Variants in KLHL35 observed in about 807,000 individuals in gnomAD.
KLHL35 encodes the protein kelch-like protein 35.
KLHL35 carries 50 observed loss-of-function variants against 44.0 expected under a neutral mutation model. The ratio of observed to expected loss-of-function variants is 1.14; its 90% CI spans 0.91 to 1.44. The LOEUF (loss-of-function observed/expected upper bound fraction) is 1.44. Among genes scored for constraint, KLHL35 ranks in the 40% most tolerant of loss-of-function variants. The pLI is 0.00. For synonymous variants in KLHL35, 470 were observed against 410.4 expected (o/e 1.15, Z -1.76); for missense variants, 1,049 against 887.8 (o/e 1.18, Z -2.31).
chr11:75,430,197 AGCGC>A lies in KLHL35; in HGVS notation c.429_432del (p.Arg144PhefsTer12). ...GCGGCGCGCAGGCGGCCCTCGAGAA[AGCGC>A]ACGCAGGCCTCGCGCAGGCCCGCCA... On this transcript the variant is annotated frameshift_variant, in exon 2 of 7. Transcript: ENST00000539798. LOFTEE classifies it high-confidence loss of function. 1 of 1,238,316 alleles carries A rather than the reference AGCGC, an allele frequency of 8.1e-7. No individual in the cohort carries two copies. The highest frequency in any genetic ancestry group is 2.5e-5 in the South Asian group (1 of 40,632). 76.7% of individuals were successfully genotyped at this position (1,238,316 alleles called of 1,614,324 possible). A position where few individuals can be genotyped will look rare whatever the true frequency, so the allele number is the denominator to read the frequency against.
chr11:75,424,124 A>C (rs1948472359), intron 5 of KLHL35: 6 of 452,932 alleles, frequency 1.3e-5, no homozygotes, highest in Admixed American at 3.9e-5. Flanking sequence ...AAGCCTCCTC[A>C]TCTTTCGAGG....
At chr11:75,431,077 A>G (rs1948533848) in intron 1 of KLHL35, among the ~76,000 whole-genome samples, 1 of 152,084 alleles carries the variant, frequency 6.6e-6, no homozygotes, top group Non-Finnish European at 1.5e-5. Context: ...GGAACCTGGA[A>G]ATATATCTGT....
intron 1 of KLHL35, among the ~76,000 whole-genome samples, chr11:75,430,974 G>A (rs1405878072): frequency 6.6e-6 from 1 of 152,234 alleles, no homozygotes; most frequent in East Asian, 1.9e-4. Context: ...AGGCGTTAGG[G>A]ACTCCAGTAG....
At position 75,428,545 on chromosome 11, in the gene KLHL35, G is replaced by A. The variant is rs1340712978; in HGVS notation, c.963C>T (p.Ala321=). 1 of 1,611,988 alleles carries A rather than the reference G, an allele frequency of 6.2e-7. No homozygotes were observed. The highest frequency in any genetic ancestry group is 2.2e-5 in the East Asian group (1 of 44,882). Residue 321 remains alanine, a synonymous_variant, in exon 3 of 7, where the codon GCC becomes GCT. Coordinates refer to ENST00000539798, the MANE Select transcript of KLHL35 (RefSeq NM_001039548.3). ...KGLLKLPFAD[A]YHPESQRWTP... Reference sequence around the variant, plus strand: ...TCCACCGCTGGCTCTCTGGATGGTAGGCATCGGCGAAGGGCAGCTTCAGGA... The same window carrying A: ...TCCACCGCTGGCTCTCTGGATGGTAAGCATCGGCGAAGGGCAGCTTCAGGA...
chr11:75,427,591 C>T (rs1948502102), intron 3 of KLHL35, among the ~76,000 whole-genome samples: 1 of 152,222 alleles, frequency 6.6e-6, no homozygotes, highest in Non-Finnish European at 1.5e-5. Context: ...CTGGCTTATT[C>T]TCCTGCTCCT....
At chr11:75,431,204 C>T (rs1948534758) in intron 1 of KLHL35, among the ~76,000 whole-genome samples, 1 of 152,218 alleles carries the variant, frequency 6.6e-6, no homozygotes, top group Non-Finnish European at 1.5e-5. Flanking sequence ...CCACCGCCCT[C>T]TGCTCAATCC....
chr11:75,425,420 G>T lies in KLHL35; in HGVS notation c.1347C>A (p.Ala449=). The change falls in exon 5 of 7, where the codon GCC becomes GCA. Residue 449 remains alanine (A), a synonymous_variant. Transcript: ENST00000539798. The part of the protein sequence containing the change: ...CAGKLFVIGG[A]RQGGVNTDKV... Reference sequence around the variant, plus strand: ...TGTCCGTGTTGACGCCGCCCTGCCTGGCGCCCCCAATCACGAAGAGCTTGC... The same window carrying T: ...TGTCCGTGTTGACGCCGCCCTGCCTTGCGCCCCCAATCACGAAGAGCTTGC... 1 of 1,563,772 alleles carries T rather than the reference G, an allele frequency of 6.4e-7. No homozygotes were observed. Among genetic ancestry groups the T allele is most frequent in the Non-Finnish European group, 8.6e-7 (1 of 1,161,996 alleles).
Position 75,426,638 on chromosome 11 carries a change from C to T in KLHL35, c.1067G>A (p.Gly356Glu), listed in dbSNP as rs368550131. ...CACATCATGACTGTTGATGTGGCCT[C>T]CTAGGGAGAGAGAAGCAGCTGTTGC... ...CALRNDVYVS[G>E]GHINSHDVWM... The change falls in exon 4 of 7, where the codon GGA (glycine) becomes GAA (glutamate). Residue 356 changes from glycine to glutamate, a missense_variant and splice_region_variant. Transcript: ENST00000539798. 1.1e-5 allele frequency: 18 copies of T among 1,581,032 alleles called. No homozygotes were observed. In the South Asian group the frequency reaches 1.6e-4, roughly 14 times the overall value.
rs1040816412 is a variant in KLHL35, at chr11:75,425,585, C to G, written c.1186-4G>C. 3.4e-6 allele frequency: 5 copies of G among 1,470,452 alleles called. No homozygotes were observed. Among genetic ancestry groups the G allele is most frequent in the Non-Finnish European group, 4.5e-6 (5 of 1,117,442 alleles). The allele number at this position is 1,470,452 out of a possible 1,614,324, so 91.1% of individuals were successfully genotyped here. A position where few individuals can be genotyped will look rare whatever the true frequency, so the allele number is the denominator to read the frequency against. On this transcript the variant is annotated splice_region_variant and splice_polypyrimidine_tract_variant and intron_variant, in intron 4 of 6. Transcript: ENST00000539798. Reference sequence around the variant, plus strand: ...CGAAGCCACCCACCGCGAACAGCTGCAAGTGAGGACATGGGCCGGGGAGCC... The same window carrying G: ...CGAAGCCACCCACCGCGAACAGCTGGAAGTGAGGACATGGGCCGGGGAGCC...
At position 75,428,477 on chromosome 11, in the gene KLHL35, G is replaced by A; in HGVS notation, c.1031C>T (p.Ala344Val). The part of the protein sequence containing the change: ...SLPGYTRSEF[A>V]ACALRNDVYV... ...GACGTCATTGCGGAGAGCACAGGCG[G>A]CGAATTCTGAGCGAGTGTAGCCGGG... The change falls in exon 3 of 7, where the codon GCC becomes GTC. Residue 344 changes from alanine to valine, a missense_variant. Coordinates refer to ENST00000539798, the MANE Select transcript of KLHL35 (RefSeq NM_001039548.3). 6.2e-7 allele frequency: 1 copy of A among 1,612,536 alleles called. No individual in the cohort carries two copies. The highest frequency in any genetic ancestry group is 2.2e-5 in the East Asian group (1 of 44,884).
chr11:75,430,538 A>G lies in KLHL35; in HGVS notation c.92T>C (p.Leu31Pro), dbSNP rs1419480815. The G allele has an allele frequency of 8.5e-5, 123 of 1,450,202 alleles. No homozygotes were observed. The highest frequency in any genetic ancestry group is 1.1e-4 in the Non-Finnish European group (120 of 1,105,512). The allele number at this position is 1,450,202 out of a possible 1,614,324, so 89.8% of individuals were successfully genotyped here. A position where few individuals can be genotyped will look rare whatever the true frequency, so the allele number is the denominator to read the frequency against. Residue 31 changes from leucine to proline, a missense_variant, in exon 2 of 7, where the codon CTG becomes CCG. Leu to Pro is a moderately conservative substitution (Grantham distance 98, BLOSUM62 -3). Transcript: ENST00000539798. ...GGTGCCGCTCCGCCGGTAGGCGTTC[A>G]GGGCCTGCAGCACGCGCTGCGCGTG... The part of the protein sequence containing the change: ...PCHAQRVLQA[L>P]NAYRRSGTLT...
In KLHL35 at chr11:75,422,614, C is replaced by T; in HGVS notation, c.1718G>A (p.Gly573Asp). 1 of 1,613,744 alleles carries T rather than the reference C, an allele frequency of 6.2e-7. No individual in the cohort carries two copies. The highest frequency in any genetic ancestry group is 8.5e-7 in the Non-Finnish European group (1 of 1,179,748). The part of the protein sequence containing the change: ...PSLQRCTSSH[G>D]CVTIIQSLGR ...CAAGCTCTGGATGATGGTGACACAG[C>T]CGTGGGAGCTGGTGCAGCGCTGCAG... Residue 573 changes from glycine (G) to aspartate (D), a missense_variant, in exon 7 of 7, where the codon GGC (glycine) becomes GAC (aspartate). Physicochemically the swap from Gly to Asp is moderately conservative, Grantham distance 94. Coordinates refer to ENST00000539798, the MANE Select transcript of KLHL35 (RefSeq NM_001039548.3).
Position 75,423,693 on chromosome 11 carries a change from A to G in KLHL35, c.1562T>C (p.Val521Ala), listed in dbSNP as rs553027952. ...WGEAAVLPSP[V>A]ESCGVTVCDG... ...TCCTGCCTTGAAGCCTCCACTTACC[A>G]CAGGGCTGGGGAGGACAGCTGCCTC... Residue 521 changes from valine (V) to alanine (A), a missense_variant and splice_region_variant, in exon 6 of 7, where the codon GTG (valine) becomes GCG (alanine). By Grantham distance (64) the Val-to-Ala change is moderately conservative. Coordinates refer to ENST00000539798, the MANE Select transcript of KLHL35 (RefSeq NM_001039548.3). The G allele has an allele frequency of 1.2e-6, 2 of 1,613,248 alleles. No homozygotes were observed. Among genetic ancestry groups the G allele is most frequent in the African/African-American group, 1.3e-5 (1 of 74,996 alleles).
Position 75,430,233 on chromosome 11 carries a change from G to A in KLHL35, c.397C>T (p.Leu133=). Residue 133 remains leucine (L), a synonymous_variant, in exon 2 of 7, where the codon CTG becomes TTG. Transcript: ENST00000539798. The part of the protein sequence containing the change: ...AAAVLALAER[L]GVAGLREACV... ...GCCTCGCGCAGGCCCGCCACGCCCA[G>A]CCGCTCCGCCAGCGCCAGCACGGCC... 1 of 1,218,442 alleles carries A rather than the reference G, an allele frequency of 8.2e-7. No individual in the cohort carries two copies. Among genetic ancestry groups the A allele is most frequent in the Non-Finnish European group, 1.0e-6 (1 of 976,132 alleles). The allele number at this position is 1,218,442 out of a possible 1,614,324, so 75.5% of individuals were successfully genotyped here.
chr11:75,427,298 G>A (rs1221859617), intron 3 of KLHL35, among the ~76,000 whole-genome samples: 1 of 152,172 alleles, frequency 6.6e-6, no homozygotes, highest in Admixed American at 6.5e-5. Flanking sequence ...GCCCTATGGG[G>A]CCAGGTACTG....
At position 75,430,027 on chromosome 11, in the gene KLHL35, C is replaced by A; in HGVS notation, c.603G>T (p.Ala201=). ...FLELAPDEVV[A]LLADPALGVA... ...CGCCCAGCGCGGGGTCCGCCAGCAG[C>A]GCCACCACCTCGTCAGGCGCCAGCT... Residue 201 remains alanine (A), a synonymous_variant, in exon 2 of 7, where the codon GCG becomes GCT. Coordinates refer to ENST00000539798, the MANE Select transcript of KLHL35 (RefSeq NM_001039548.3). The A allele has an allele frequency of 1.4e-6, 2 of 1,418,620 alleles. No individual in the cohort carries two copies. The highest frequency in any genetic ancestry group is 1.4e-5 in the South Asian group (1 of 70,608). 87.9% of individuals were successfully genotyped at this position (1,418,620 alleles called of 1,614,324 possible). A position where few individuals can be genotyped will look rare whatever the true frequency, so the allele number is the denominator to read the frequency against.
Position 75,429,906 on chromosome 11 carries a change from C to T in KLHL35, c.724G>A (p.Val242Met). Residue 242 changes from valine (V) to methionine (M), a missense_variant, in exon 2 of 7, where the codon GTG becomes ATG. Coordinates refer to ENST00000539798, the MANE Select transcript of KLHL35 (RefSeq NM_001039548.3). The part of the protein sequence containing the change: ...RGQLRRLLEH[V>M]RLPLLAPAYF... ...GCGGGCGCCAGTAGCGGCAGGCGCA[C>T]GTGCTCCAGCAGGCGTCGCAGCTGG... The T allele has an allele frequency of 2.7e-6, 4 of 1,501,932 alleles. No homozygotes were observed. In the East Asian group the frequency reaches 1.1e-4, roughly 43 times the overall value. The allele number at this position is 1,501,932 out of a possible 1,614,324, so 93.0% of individuals were successfully genotyped here.
rs369175326 is a variant in KLHL35 at position 75,423,709 on chromosome 11, C to T, written c.1546G>A (p.Val516Ile). The change falls in exon 6 of 7, where the codon GTC becomes ATC. Residue 516 changes from valine (V) to isoleucine (I), a missense_variant. Coordinates refer to ENST00000539798, the MANE Select transcript of KLHL35 (RefSeq NM_001039548.3). The part of the protein sequence containing the change: ...PGTDVWGEAA[V>I]LPSPVESCGV... ...CCACTTACCACAGGGCTGGGGAGGACAGCTGCCTCCCCCCACACATCTGTG... is the reference window on the plus strand; with the variant it reads ...CCACTTACCACAGGGCTGGGGAGGATAGCTGCCTCCCCCCACACATCTGTG... The T allele has an allele frequency of 2.6e-4, 420 of 1,613,646 alleles. No individual in the cohort carries two copies. The highest frequency in any genetic ancestry group is 3.2e-4 in the Non-Finnish European group (378 of 1,179,740).
In KLHL35 at chr11:75,430,061, T is replaced by C; in HGVS notation, c.569A>G (p.Asp190Gly). The change falls in exon 2 of 7, where the codon GAC becomes GGC. Residue 190 changes from aspartate to glycine, a missense_variant. Transcript: ENST00000539798. ...CTCGTCAGGCGCCAGCTCCAGGAAG[T>C]CGGCGTGGCGCGCCACCTCGGCGAA... is the stretch of plus-strand genomic sequence containing the variant. Reference protein sequence around the residue: ...QAFAEVARHADFLELAPDEVV... With the variant: ...QAFAEVARHAGFLELAPDEVV... 1 of 1,397,634 alleles carries C rather than the reference T, an allele frequency of 7.2e-7. No homozygotes were observed. Among genetic ancestry groups the C allele is most frequent in the South Asian group, 1.5e-5 (1 of 67,278 alleles). The allele number at this position is 1,397,634 out of a possible 1,614,324, so 86.6% of individuals were successfully genotyped here.
Sources: allele counts gnomAD v4.1 joint callset (sites outside exome capture counted in the v4.1 genomes callset), GRCh38; gene constraint gnomAD v4.1.1; transcripts MANE v1.5; gene names NCBI Gene and HGNC (gene_info 2026-07-23, HGNC 2026-07-21).